LHFPL7: variants seen among roughly 807,000 people sequenced by gnomAD.
LHFPL7 encodes LHFPL tetraspan subfamily member 7.
the LHFPL7 span, chr22:24,935,348 T>C: frequency 2.5e-6 from 4 of 1,612,646 alleles, no homozygotes; most frequent in Admixed American, 1.7e-5. Flanking sequence ...TGTTCATTTC[T>C]GGCACAAAGA....
At chr22:24,942,074 C>T in the LHFPL7 span, among the ~76,000 whole-genome samples, 1 of 152,124 alleles carries the variant, frequency 6.6e-6, no homozygotes, top group Non-Finnish European at 1.5e-5. Context: ...CCATTCACTG[C>T]AAGCTCTGCT....
At chr22:24,936,029 C>T in the LHFPL7 span, among the ~76,000 whole-genome samples, 1 of 152,020 alleles carries the variant, frequency 6.6e-6, no homozygotes, top group Non-Finnish European at 1.5e-5. Context: ...CACTTAACAA[C>T]CCACTCATTT....
the LHFPL7 span, chr22:24,938,176 G>T: frequency 6.2e-7 from 1 of 1,614,080 alleles, no homozygotes; most frequent in African/African-American, 1.3e-5. Flanking sequence ...CCTGGCATTG[G>T]AACACTGCTT....
At chr22:24,939,924 C>CTTTTTTTTTTTTTTTTT in the LHFPL7 span, among the ~76,000 whole-genome samples, 8 of 86,980 alleles carry the variant, frequency 9.2e-5, no homozygotes, top group African/African-American at 2.6e-4. Flanking sequence ...TCATTTATCG[C>CTTTTTTTTTTTTTTTTT]TTTTTTTTTT....
the LHFPL7 span, chr22:24,935,733 C>A: frequency 6.7e-6 from 8 of 1,187,584 alleles, no homozygotes; most frequent in Non-Finnish European, 9.3e-6. Context: ...TTTATTGGCT[C>A]ATCTCTCCTT....
At chr22:24,942,696 T>G in the LHFPL7 span, among the ~76,000 whole-genome samples, 1 of 152,168 alleles carries the variant, frequency 6.6e-6, no homozygotes, top group East Asian at 1.9e-4. Context: ...TTTCTCCATC[T>G]GTACAAGAAG....
the LHFPL7 span, chr22:24,935,571 A>G: frequency 5.9e-5 from 95 of 1,612,810 alleles, no homozygotes; most frequent in Non-Finnish European, 7.7e-5. Flanking sequence ...TGGGAAAATC[A>G]GCAGACCCAC....
chr22:24,943,573 T>C, the LHFPL7 span, among the ~76,000 whole-genome samples: 21 of 152,304 alleles, frequency 1.4e-4, no homozygotes, highest in East Asian at 4.1e-3. Flanking sequence ...GATACTATTA[T>C]AGATAATATT....
the LHFPL7 span, among the ~76,000 whole-genome samples, chr22:24,937,228 C>T: frequency 5.3e-5 from 8 of 152,148 alleles, no homozygotes; most frequent in African/African-American, 1.9e-4. Flanking sequence ...CATGGAAGAC[C>T]TCATGGAGGC....
the LHFPL7 span, among the ~76,000 whole-genome samples, chr22:24,944,422 G>A: frequency 1.3e-5 from 2 of 151,678 alleles, no homozygotes; most frequent in East Asian, 1.9e-4. Flanking sequence ...AGGGAGCCAC[G>A]TGGAGAGGTG....
the LHFPL7 span, among the ~76,000 whole-genome samples, chr22:24,940,687 C>CCTTCCTTCCT: frequency 5.9e-5 from 1 of 16,846 alleles, no homozygotes; most frequent in Non-Finnish European, 1.2e-4. Flanking sequence ...CCTTCCTTCT[C>CCTTCCTTCCT]TCTCCCTCCC....
At chr22:24,942,892 A>AGTGTGTGTGTGTGT in the LHFPL7 span, among the ~76,000 whole-genome samples, 9 of 128,124 alleles carry the variant, frequency 7.0e-5, no homozygotes, top group South Asian at 3.0e-4. Context: ...AAGGGGATAA[A>AGTGTGTGTGTGTGT]GTGTGTGTGT....
chr22:24,945,648 CCCATCAAT>C, the LHFPL7 span, among the ~76,000 whole-genome samples: 1 of 152,188 alleles, frequency 6.6e-6, no homozygotes, highest in African/African-American at 2.4e-5. Context: ...TCTTCCCCAA[CCCATCAAT>C]CGATATATAC....
chr22:24,940,688 TCTCC>T, the LHFPL7 span, among the ~76,000 whole-genome samples: 2,406 of 64,464 alleles, frequency 0.037, 117 homozygotes, highest in African/African-American at 0.14. Flanking sequence ...CTTCCTTCTC[TCTCC>T]CTCCCTCCTT....
the LHFPL7 span, among the ~76,000 whole-genome samples, chr22:24,945,626 T>C: frequency 6.6e-6 from 1 of 152,200 alleles, no homozygotes; most frequent in African/African-American, 2.4e-5. Context: ...TAAGCAAAGC[T>C]TGAGATGTGT....
chr22:24,937,695 C>A, the LHFPL7 span, among the ~76,000 whole-genome samples: 1 of 152,178 alleles, frequency 6.6e-6, no homozygotes, highest in East Asian at 1.9e-4. Flanking sequence ...CTAGTATATT[C>A]AAAAGCTATG....
chr22:24,941,100 T>A, the LHFPL7 span, among the ~76,000 whole-genome samples: 1 of 151,888 alleles, frequency 6.6e-6, no homozygotes, highest in Non-Finnish European at 1.5e-5. Flanking sequence ...TGTCATTTTG[T>A]GTGGAGTTAG....
chr22:24,942,982 G>A, the LHFPL7 span, among the ~76,000 whole-genome samples: 2 of 151,556 alleles, frequency 1.3e-5, no homozygotes, highest in African/African-American at 2.4e-5. Flanking sequence ...GTATATCTGG[G>A]TCAAGTTGCA....
the LHFPL7 span, among the ~76,000 whole-genome samples, chr22:24,944,150 C>G: frequency 6.6e-6 from 1 of 151,966 alleles, no homozygotes; most frequent in Admixed American, 6.6e-5. Context: ...CTACAATGTT[C>G]CAGGAACTGT....
Sources: allele counts gnomAD v4.1 joint callset (sites outside exome capture counted in the v4.1 genomes callset), GRCh38; gene constraint gnomAD v4.1.1; transcripts MANE v1.5; gene names NCBI Gene and HGNC (gene_info 2026-07-23, HGNC 2026-07-21).